The following MAP7D1 variants were observed in gnomAD, a reference collection of about 807,000 sequenced individuals.
The protein encoded by MAP7D1 is MAP7 domain containing 1.
In MAP7D1, 30 loss-of-function variants were observed where a neutral mutation model predicts 97.5. The observed-to-expected ratio is 0.31, with a 90% CI of 0.23 to 0.42. MAP7D1 has a LOEUF of 0.42. MAP7D1 is among the 10% of genes least tolerant of loss of function. MAP7D1 has a pLI of 1.00. For synonymous variants in MAP7D1, 536 were observed against 477.1 expected, an observed-to-expected ratio of 1.12 and a Z score of -1.61; for missense variants, 1,184 against 1,179.5, an observed-to-expected ratio of 1.00 and a Z score of -0.06.
Position 36,179,866 on chromosome 1 carries a change from A to G in MAP7D1, c.2319-8A>G, listed in dbSNP as rs1644692003. On this transcript the variant is annotated splice_region_variant and splice_polypyrimidine_tract_variant and intron_variant, in intron 15 of 16. Coordinates refer to ENST00000474796, the MANE Select transcript of MAP7D1 (RefSeq NM_001388490.1). ...TGAGGTGCTGAGCCTTGGCCTCTGC[A>G]TCCACAGTCTCCCAAGCAAGGAGTT... 1 of 1,609,438 alleles carries G rather than the reference A, an allele frequency of 6.2e-7. No individual in the cohort carries two copies. Among genetic ancestry groups the G allele is most frequent in the African/African-American group, 1.3e-5 (1 of 74,874 alleles).
At chr1:36,161,352 C>G (rs182970577) in intron 1 of MAP7D1, among the ~76,000 whole-genome samples, 1 of 152,176 alleles carries the variant, frequency 6.6e-6, no homozygotes, top group Admixed American at 6.5e-5. Context: ...TACTGACCTC[C>G]TATTCTCCCA....
chr1:36,171,588 G>T lies in MAP7D1; in HGVS notation c.460+7G>T. 1.2e-6 allele frequency: 2 copies of T among 1,614,018 alleles called. No homozygotes were observed. The highest frequency in any genetic ancestry group is 2.2e-5 in the South Asian group (2 of 91,042). ...GAGCGGGCCAAGTACCTGGGTGAGT[G>T]AGCAGGAAGCCTCATCATCTTCTTC... On this transcript the variant is annotated splice_region_variant and intron_variant, in intron 3 of 16. Transcript: ENST00000474796.
In MAP7D1 at chr1:36,159,695, G is replaced by A. The variant is rs1644382432; in HGVS notation, c.46+3232G>A. 6.6e-6 allele frequency among the ~76,000 whole-genome samples: 1 copy of A among 152,224 alleles called. No individual in the cohort carries two copies. The highest frequency in any genetic ancestry group is 6.5e-5 in the Admixed American group (1 of 15,280). ...AGCTCTTAACGCGGCGAGGAAGGCA[G>A]ATGTGTTCACTGCAGGGAAACCAGG... is the stretch of plus-strand genomic sequence containing the variant. On this transcript the variant is annotated intron_variant, in intron 1 of 16. Coordinates refer to ENST00000474796, the MANE Select transcript of MAP7D1 (RefSeq NM_001388490.1). The surrounding 1 kb of genome is among the most constrained non-coding windows in gnomAD (Gnocchi z 5.4).
chr1:36,170,940 A>G (rs1382550982), intron 1 of MAP7D1, 31 bp from the exon 2 acceptor site: 3 of 842,900 alleles, frequency 3.6e-6, no homozygotes, highest in East Asian at 2.4e-5. Flanking sequence ...GAGCAATCTG[A>G]CCTCTCTCCT....
At chr1:36,175,110 T>C in intron 6 of MAP7D1, 102 bp downstream of exon 6, 4 of 692,286 alleles carry the variant, frequency 5.8e-6, no homozygotes, top group Non-Finnish European at 9.2e-6. Flanking sequence ...AGCCCTCACA[T>C]ACTCCAGGTC....
At chr1:36,166,657 G>A (rs1644478432) in intron 1 of MAP7D1, among the ~76,000 whole-genome samples, 1 of 152,102 alleles carries the variant, frequency 6.6e-6, no homozygotes, top group African/African-American at 2.4e-5. Context: ...CCAAAGTGCT[G>A]GGATTACAGG....
chr1:36,178,885 A>G lies in MAP7D1; in HGVS notation c.2026-36A>G, dbSNP rs201816260. ...GCCGCGGGCCGGGAGGGAAGGCTGG[A>G]GTCAAGTGCCCCACGCTCATGGGGG... On this transcript the variant is annotated intron_variant, in intron 11 of 16. Coordinates refer to ENST00000474796, the MANE Select transcript of MAP7D1 (RefSeq NM_001388490.1). 35 of 1,549,628 alleles carry G rather than the reference A, an allele frequency of 2.3e-5. No individual in the cohort carries two copies. The East Asian group carries it at 8.3e-4, about 37-fold the overall frequency.
At chr1:36,165,170 C>T (rs140230186) in intron 1 of MAP7D1, among the ~76,000 whole-genome samples, 36 of 152,298 alleles carry the variant, frequency 2.4e-4, no homozygotes, top group African/African-American at 7.9e-4. Context: ...GTTGCCCAAG[C>T]TGGTATACAG....
chr1:36,158,725 T>C (rs181519063), intron 1 of MAP7D1, among the ~76,000 whole-genome samples: 4 of 152,184 alleles, frequency 2.6e-5, no homozygotes, highest in Non-Finnish European at 5.9e-5. Flanking sequence ...ATTATTGTGG[T>C]TATGCTTCTG....
Position 36,178,783 on chromosome 1 carries a change from C to CGCAGGCCGA in MAP7D1, c.1991_1999dup (p.Ala664_Gln666dup). The CGCAGGCCGA allele has an allele frequency of 1.9e-6, 3 of 1,547,230 alleles. No homozygotes were observed. Among genetic ancestry groups the CGCAGGCCGA allele is most frequent in the Non-Finnish European group, 2.6e-6 (3 of 1,145,758 alleles). The stretch of plus-strand genomic sequence containing the variant: ...GAGGAGCAGGAGGCACGAGAGAAGG[C>CGCAGGCCGA]GCAGGCCGAGCAGGAGGAGCAGGAG... On this transcript the variant is annotated inframe_insertion, in exon 11 of 17. Coordinates refer to ENST00000474796, the MANE Select transcript of MAP7D1 (RefSeq NM_001388490.1).
chr1:36,177,528 A>G (rs1354614161), intron 8 of MAP7D1: 1 of 562,394 alleles, frequency 1.8e-6, no homozygotes, highest in Non-Finnish European at 3.5e-6. Context: ...TCTTAAAAAC[A>G]ACAACAACAA....
At chr1:36,173,976 C>T (rs574028461) in intron 5 of MAP7D1, among the ~76,000 whole-genome samples, 2 of 152,252 alleles carry the variant, frequency 1.3e-5, no homozygotes, top group East Asian at 3.9e-4. Context: ...TGTTTATGTG[C>T]TCCTGGACCC....
rs991610002 is a variant in MAP7D1 at position 36,159,995 on chromosome 1, T to A, written c.46+3532T>A. Among the ~76,000 whole-genome samples, 4 of 152,154 alleles carry A rather than the reference T, an allele frequency of 2.6e-5. No homozygotes were observed. ...GGAAGGGATACTAGGCCAGCTCAGG[T>A]CCCCTTTCCTAACATGATAGTGGGG... On this transcript the variant is annotated intron_variant, in intron 1 of 16. Transcript: ENST00000474796. The surrounding 1 kb of genome is among the most constrained non-coding windows in gnomAD (Gnocchi z 5.4).
At chr1:36,156,843 C>T (rs74466688) in intron 1 of MAP7D1, among the ~76,000 whole-genome samples, 9,034 of 152,206 alleles carry the variant, frequency 0.059, 724 homozygotes, top group East Asian at 0.25. Context: ...CCTTCCCCAT[C>T]CCCCGTGGCA....
intron 6 of MAP7D1, among the ~76,000 whole-genome samples, chr1:36,175,211 G>A (rs1417277816): frequency 6.6e-6 from 1 of 152,168 alleles, no homozygotes; most frequent in African/African-American, 2.4e-5. Context: ...TTGCCCTGTA[G>A]GAGAGGAGAA....
In MAP7D1 at chr1:36,176,555, G is replaced by C. The variant is rs1370852123; in HGVS notation, c.1207G>C (p.Val403Leu). Reference sequence around the variant, plus strand: ...CAACGCCGGGGGCAGCCCCGCTCCGGTGCGCCGCCGGCCGGAGGCCTCGCC... The same window carrying C: ...CAACGCCGGGGGCAGCCCCGCTCCGCTGCGCCGCCGGCCGGAGGCCTCGCC... ...KPNAGGSPAPVRRRPEASPVQ... is the reference protein window; with the variant it reads ...KPNAGGSPAPLRRRPEASPVQ... Residue 403 changes from valine (V) to leucine (L), a missense_variant, in exon 7 of 17, where the codon GTG becomes CTG. Coordinates refer to ENST00000474796, the MANE Select transcript of MAP7D1 (RefSeq NM_001388490.1). The surrounding 1 kb of genome is among the most constrained non-coding windows in gnomAD (Gnocchi z 6.1). 4 of 1,464,110 alleles carry C rather than the reference G, an allele frequency of 2.7e-6. No homozygotes were observed. The highest frequency in any genetic ancestry group is 3.6e-6 in the Non-Finnish European group (4 of 1,108,576). 90.7% of individuals were successfully genotyped at this position (1,464,110 alleles called of 1,614,324 possible).
intron 11 of MAP7D1, 42 bp downstream of exon 11, chr1:36,178,865 G>A (rs1352173071): frequency 1.9e-6 from 3 of 1,546,126 alleles, no homozygotes; most frequent in Middle Eastern, 3.6e-4. Flanking sequence ...CGGGCGCCGC[G>A]GGCCGGGAGG....
chr1:36,168,514 G>C (rs896755165), intron 1 of MAP7D1, among the ~76,000 whole-genome samples: 1 of 152,170 alleles, frequency 6.6e-6, no homozygotes, highest in Non-Finnish European at 1.5e-5. Flanking sequence ...TGGTAAAGGA[G>C]TTTGCAGTTG....
In MAP7D1 at chr1:36,179,521, G is replaced by C; in HGVS notation, c.2191G>C (p.Asp731His). ...CTCTTCCTCTTCAAAGCAGAAGCAG[G>C]ACAGCAAGGAGGCCAACGCCAACGG... ...KSEVSETKKQ[D>H]SKEANANGSS... is the part of the protein sequence containing the mutation. Residue 731 changes from aspartate (D) to histidine (H), a missense_variant, in exon 14 of 17, where the codon GAC becomes CAC. Coordinates refer to ENST00000474796, the MANE Select transcript of MAP7D1 (RefSeq NM_001388490.1). 6.3e-7 allele frequency: 1 copy of C among 1,578,942 alleles called. No individual in the cohort carries two copies. The highest frequency in any genetic ancestry group is 8.6e-7 in the Non-Finnish European group (1 of 1,161,430).
Sources: gnomAD v4.1 joint callset for allele counts (sites outside exome capture counted in the v4.1 genomes callset) on GRCh38, gnomAD v4.1.1 for gene constraint, Gnocchi (gnomAD v3.1) non-coding constraint, MANE v1.5 for transcripts, NCBI Gene and HGNC (gene_info 2026-07-23, HGNC 2026-07-21) for gene names.